Variants in ZNF540 observed in about 807,000 individuals in gnomAD.
ZNF540 encodes zinc finger protein 540.
Under a neutral mutation model 11.8 loss-of-function variants are expected in ZNF540, and 3 were observed. The observed-to-expected ratio is 0.25, with a 90% CI of 0.12 to 0.65. The LOEUF (loss-of-function observed/expected upper bound fraction) is 0.65, where lower values mean the gene tolerates loss of function less well. ZNF540 is among the 30% of genes least tolerant of loss of function. ZNF540 has a pLI of 0.83. For missense variants in ZNF540, 709 were observed against 793.1 expected (o/e 0.89, Z 1.27); for synonymous variants, 247 against 259.0 (o/e 0.95, Z 0.45).
chr19:37,598,447 C>A lies in ZNF540; in HGVS notation c.-1C>A. ...TGAGCAGTTCTTGTGAGTGTAAAAC[C>A]ATGGCCCATGTAAGTCACAGTTTCT... is the stretch of plus-strand genomic sequence containing the variant. On this transcript the variant is annotated 5_prime_UTR_variant, in exon 2 of 5. Transcript: ENST00000316433. 6.2e-7 allele frequency: 1 copy of A among 1,613,956 alleles called. No homozygotes were observed. Among genetic ancestry groups the A allele is most frequent in the Middle Eastern group, 1.7e-4 (1 of 6,060 alleles).
chr19:37,590,277 C>T (rs1320417210), upstream of ZNF540, among the ~76,000 whole-genome samples: 2 of 151,778 alleles, frequency 1.3e-5, no homozygotes, highest in Admixed American at 6.6e-5. Flanking sequence ...ATTAGCTGGG[C>T]GTGGTGGTGG....
chr19:37,562,113 T>C lies in ZNF540; in HGVS notation c.-73+10448T>C, dbSNP rs552864585. ...TAAAGATAATGTAGGCCGGGTGCGG[T>C]GGCTCATGCCTATAATCCCAGCACT... On this transcript the variant is annotated intron_variant, in intron 1 of 4. Coordinates refer to the ZNF540 transcript ENST00000592533. Among the ~76,000 whole-genome samples, 7 of 152,302 alleles carry C rather than the reference T, an allele frequency of 4.6e-5. No homozygotes were observed. In the East Asian group the frequency reaches 1.3e-3, roughly 29 times the overall value.
chr19:37,566,392 G>A, intron 1 of ZNF540: 1 of 1,351,626 alleles, frequency 7.4e-7, no homozygotes, highest in Non-Finnish European at 1.0e-6. Context: ...ATTAAGAATA[G>A]AATGGCTTAA....
intron 1 of ZNF540, chr19:37,555,260 CTAAAAACAGGGTTAG>C (rs1217338237): frequency 6.6e-6 from 1 of 152,412 alleles, no homozygotes; most frequent in African/African-American, 2.4e-5. Context: ...AAGGGAGAGT[CTAAAAACAGGGTTAG>C]TAAAAACAAG....
intron 2 of ZNF540, among the ~76,000 whole-genome samples, chr19:37,598,845 A>G (rs998736729): frequency 6.6e-6 from 1 of 152,176 alleles, no homozygotes; most frequent in African/African-American, 2.4e-5. Context: ...CAGTTTCAGT[A>G]TGTGGTTGGG....
intron 4 of ZNF540, among the ~76,000 whole-genome samples, chr19:37,608,765 C>T (rs2044104361): frequency 1.3e-5 from 2 of 152,252 alleles, no homozygotes; most frequent in South Asian, 4.2e-4. Flanking sequence ...CTAGGTGTGA[C>T]AGGATAGCTT....
chr19:37,570,027 G>A (rs1288280027), intron 1 of ZNF540: 2 of 152,128 alleles, frequency 1.3e-5, no homozygotes, highest in Non-Finnish European at 2.9e-5. Context: ...TATTAAGGCT[G>A]GCTTCTCCAC....
intron 1 of ZNF540, among the ~76,000 whole-genome samples, chr19:37,588,597 C>A (rs890245808): frequency 2.0e-5 from 3 of 152,192 alleles, no homozygotes; most frequent in Non-Finnish European, 4.4e-5. Context: ...AACCTACCTA[C>A]CTATCAGGTA....
chr19:37,592,752 C>A (rs566953946), upstream of ZNF540, among the ~76,000 whole-genome samples: 8 of 152,294 alleles, frequency 5.3e-5, no homozygotes, highest in Non-Finnish European at 1.0e-4. Flanking sequence ...CTAGATCTAA[C>A]TGCCTGTTTA....
At chr19:37,564,410 CA>C (rs1289069434) in intron 1 of ZNF540, 5 of 429,544 alleles carry the variant, frequency 1.2e-5, no homozygotes, top group Non-Finnish European at 2.0e-5. Flanking sequence ...TATAATTCAG[CA>C]TTATATTCTA....
In ZNF540 at chr19:37,613,450, C is replaced by A; in HGVS notation, c.*187C>A. 2.1e-6 allele frequency: 1 copy of A among 468,740 alleles called. No individual in the cohort carries two copies. Among genetic ancestry groups the A allele is most frequent in the East Asian group, 3.2e-5 (1 of 31,278 alleles). The allele number at this position is 468,740 out of a possible 1,614,324, so 29.0% of individuals were successfully genotyped here. ...CTAGAAAATAAAGCTGTTAATGTAA[C>A]AGTTGTGGAAAAGTGTTCTAGCAAC... is the stretch of plus-strand genomic sequence containing the variant. On this transcript the variant is annotated 3_prime_UTR_variant, in exon 5 of 5. Coordinates refer to ENST00000316433, the MANE Select transcript of ZNF540 (RefSeq NM_001172225.3).
intron 1 of ZNF540, among the ~76,000 whole-genome samples, chr19:37,573,810 G>T (rs373616884): frequency 6.7e-6 from 1 of 149,474 alleles, no homozygotes; most frequent in African/African-American, 2.5e-5. Flanking sequence ...TCCAGTCTGC[G>T]CAACAGAACG....
upstream of ZNF540, among the ~76,000 whole-genome samples, chr19:37,590,743 G>A (rs776982405): frequency 2.2e-4 from 33 of 152,074 alleles, no homozygotes; most frequent in Admixed American, 1.7e-3. Flanking sequence ...CTCTGTAAGT[G>A]TAATATTATA....
intron 1 of ZNF540, chr19:37,562,467 ATTTG>A (rs1421624278): frequency 6.6e-6 from 1 of 152,118 alleles, no homozygotes; most frequent in Non-Finnish European, 1.5e-5. Context: ...TCTTGGTAAC[ATTTG>A]TTTTTCTATG....
rs921797046 is a variant in ZNF540 at position 37,574,712 on chromosome 19, A to G, written c.-73+23047A>G. Among the ~76,000 whole-genome samples, 5 of 152,226 alleles carry G rather than the reference A, an allele frequency of 3.3e-5. 1 individual carries two copies. The highest frequency in any genetic ancestry group is 3.3e-4 in the Admixed American group (5 of 15,278). On this transcript the variant is annotated intron_variant, in intron 1 of 4. Coordinates refer to the ZNF540 transcript ENST00000592533. ...AGATATGACTAGAAAAAGTCACTCT[A>G]AAAATCATTTCTAACTTCCAAATGA...
intron 1 of ZNF540, among the ~76,000 whole-genome samples, chr19:37,578,221 T>C (rs1019037611): frequency 1.3e-5 from 2 of 152,076 alleles, no homozygotes; most frequent in African/African-American, 2.4e-5. Context: ...AAGGTTGGGA[T>C]AGCGCTGGTC....
chr19:37,596,131 C>T (rs574526110), intron 1 of ZNF540, among the ~76,000 whole-genome samples: 1 of 152,280 alleles, frequency 6.6e-6, no homozygotes, highest in South Asian at 2.1e-4. Context: ...AGGATGTTGA[C>T]ATTGATAGTC....
intron 4 of ZNF540, among the ~76,000 whole-genome samples, chr19:37,608,563 C>CATCAAAG (rs1437579915): frequency 1.3e-5 from 2 of 152,116 alleles, no homozygotes; most frequent in African/African-American, 4.8e-5. Flanking sequence ...AAGTGTTTCT[C>CATCAAAG]GCCTTTTAGT....
intron 1 of ZNF540, chr19:37,583,449 A>C (rs2043547252): frequency 6.6e-6 from 1 of 152,400 alleles, no homozygotes; most frequent in Non-Finnish European, 1.5e-5. Context: ...GGGAACTCAC[A>C]CACATAACCT....
Sources: allele counts gnomAD v4.1 joint callset (sites outside exome capture counted in the v4.1 genomes callset), GRCh38; gene constraint gnomAD v4.1.1; transcripts MANE v1.5; gene names NCBI Gene and HGNC (gene_info 2026-07-23, HGNC 2026-07-21).